ENTREP2: variants seen among roughly 807,000 people sequenced by gnomAD.
ENTREP2 encodes endosomal transmembrane epsin interactor 2, also known as protein ENTREP2.
chr15:29,118,739 CCT>C, the ENTREP2 span, among the ~76,000 whole-genome samples: 3 of 152,214 alleles, frequency 2.0e-5, no homozygotes, highest in Admixed American at 6.5e-5. Flanking sequence ...ATCCCAGCAC[CCT>C]GTCTGCACCT....
the ENTREP2 span, among the ~76,000 whole-genome samples, chr15:29,310,761 C>T: frequency 7.2e-5 from 11 of 152,132 alleles, no homozygotes; most frequent in South Asian, 4.1e-4. Flanking sequence ...TCAACCCAGA[C>T]GCCAAAGCTC....
chr15:29,531,129 C>T, the ENTREP2 span, among the ~76,000 whole-genome samples: 1 of 152,210 alleles, frequency 6.6e-6, no homozygotes, highest in Non-Finnish European at 1.5e-5. Flanking sequence ...CTACCTTCCC[C>T]CCAGTTTTCT....
chr15:29,248,186 G>A, the ENTREP2 span, among the ~76,000 whole-genome samples: 1 of 152,116 alleles, frequency 6.6e-6, no homozygotes, highest in African/African-American at 2.4e-5. Flanking sequence ...ACTGTTTAGA[G>A]AGAAAAAGTT....
At chr15:29,237,859 C>T in the ENTREP2 span, among the ~76,000 whole-genome samples, 52 of 152,008 alleles carry the variant, frequency 3.4e-4, 1 homozygote, top group African/African-American at 1.2e-3. Context: ...AGTGATATAC[C>T]CAAGAGAAAT....
the ENTREP2 span, among the ~76,000 whole-genome samples, chr15:29,336,615 T>C: frequency 7.1e-6 from 1 of 141,756 alleles, no homozygotes; most frequent in Non-Finnish European, 1.6e-5. Context: ...CCAGCCTTAG[T>C]ATGTTTTAAA....
At chr15:29,574,872 T>G in the ENTREP2 span, among the ~76,000 whole-genome samples, 1 of 152,168 alleles carries the variant, frequency 6.6e-6, no homozygotes, top group African/African-American at 2.4e-5. Context: ...GAAACTCTAC[T>G]TCTAGGAATG....
At chr15:29,178,749 AAG>A in the ENTREP2 span, among the ~76,000 whole-genome samples, 4 of 152,132 alleles carry the variant, frequency 2.6e-5, no homozygotes, top group African/African-American at 9.7e-5. Flanking sequence ...TGTTAGTTGC[AAG>A]AGTCTTTTTG....
At chr15:29,608,153 C>G in the ENTREP2 span, among the ~76,000 whole-genome samples, 1 of 152,176 alleles carries the variant, frequency 6.6e-6, no homozygotes, top group Non-Finnish European at 1.5e-5. Context: ...AGCCCACTGA[C>G]TCAAATGTTA....
the ENTREP2 span, among the ~76,000 whole-genome samples, chr15:29,214,399 T>G: frequency 9.2e-5 from 14 of 152,284 alleles, no homozygotes; most frequent in Non-Finnish European, 1.6e-4. Flanking sequence ...GGGACATGGA[T>G]GAAGCTGGAA....
the ENTREP2 span, among the ~76,000 whole-genome samples, chr15:29,126,693 G>C: frequency 6.6e-6 from 1 of 152,206 alleles, no homozygotes; most frequent in Non-Finnish European, 1.5e-5. Context: ...TCCAGGAATG[G>C]CATGGTTCGG....
At chr15:29,588,515 AG>A in the ENTREP2 span, among the ~76,000 whole-genome samples, 1 of 108,216 alleles carries the variant, frequency 9.2e-6, no homozygotes, top group Admixed American at 1.2e-4. Context: ...AGAGGGAGGG[AG>A]GGAGGAAGGA....
chr15:29,143,691 T>C, the ENTREP2 span, among the ~76,000 whole-genome samples: 1 of 152,184 alleles, frequency 6.6e-6, no homozygotes, highest in East Asian at 1.9e-4. Context: ...CCTCCTTAAT[T>C]ATGCTCCCTT....
the ENTREP2 span, among the ~76,000 whole-genome samples, chr15:29,273,066 G>A: frequency 2.0e-4 from 30 of 152,138 alleles, no homozygotes; most frequent in Non-Finnish European, 1.2e-4. Flanking sequence ...CATTTAGAGC[G>A]GGTGAGGGTT....
the ENTREP2 span, among the ~76,000 whole-genome samples, chr15:29,159,987 G>T: frequency 6.6e-5 from 10 of 152,242 alleles, no homozygotes; most frequent in African/African-American, 2.4e-4. Flanking sequence ...GCGCTCGCCC[G>T]GGAGGCTCGG....
At chr15:29,565,039 T>C in the ENTREP2 span, among the ~76,000 whole-genome samples, 4 of 152,188 alleles carry the variant, frequency 2.6e-5, no homozygotes, top group Admixed American at 2.0e-4. Flanking sequence ...AGATTTAATA[T>C]GATAAAACTG....
chr15:29,371,390 C>CACA, the ENTREP2 span, among the ~76,000 whole-genome samples: 1 of 109,612 alleles, frequency 9.1e-6, no homozygotes, highest in Non-Finnish European at 1.8e-5. Flanking sequence ...ACACACGAAA[C>CACA]CAACTAATCC....
chr15:29,537,884 G>A, the ENTREP2 span, among the ~76,000 whole-genome samples: 8 of 151,930 alleles, frequency 5.3e-5, no homozygotes, highest in Admixed American at 4.6e-4. Context: ...AACCCAAGGC[G>A]GTTCCTGCCT....
the ENTREP2 span, among the ~76,000 whole-genome samples, chr15:29,161,747 C>T: frequency 3.3e-5 from 5 of 152,146 alleles, no homozygotes; most frequent in African/African-American, 1.2e-4. Flanking sequence ...AAGCTTCTAA[C>T]CACACACAGA....
At chr15:29,248,517 A>G in the ENTREP2 span, among the ~76,000 whole-genome samples, 2 of 152,180 alleles carry the variant, frequency 1.3e-5, no homozygotes, top group Admixed American at 6.5e-5. Context: ...TCTATAACTG[A>G]GTACAGAACA....
Sources: gnomAD v4.1 joint callset for allele counts (sites outside exome capture counted in the v4.1 genomes callset) on GRCh38, gnomAD v4.1.1 for gene constraint, MANE v1.5 for transcripts, NCBI Gene and HGNC (gene_info 2026-07-23, HGNC 2026-07-21) for gene names.